Variants in RASGEF1C observed in about 807,000 individuals in gnomAD.
RASGEF1C encodes the protein RasGEF domain family member 1C, also known as ras-GEF domain-containing family member 1C.
A neutral mutation model predicts 58.1 loss-of-function variants in RASGEF1C; 27 were observed. The ratio of observed to expected loss-of-function variants is 0.46; its 90% CI spans 0.34 to 0.64. RASGEF1C has a LOEUF of 0.64. RASGEF1C is among the 30% of genes least tolerant of loss of function. RASGEF1C has a pLI of 0.01. For synonymous variants in RASGEF1C, 243 were observed against 246.3 expected (o/e 0.99, Z 0.13); for missense variants, 502 against 605.1 (o/e 0.83, Z 1.79).
intron 1 of RASGEF1C, among the ~76,000 whole-genome samples, chr5:180,152,911 C>CAA (rs755521241): frequency 0.02 from 1,434 of 71,196 alleles, 40 homozygotes; most frequent in African/African-American, 0.068. Context: ...AACCCCATCT[C>CAA]AAAAAAAAAA....
chr5:180,181,629 G>A (rs957505944), intron 1 of RASGEF1C, among the ~76,000 whole-genome samples: 5 of 152,204 alleles, frequency 3.3e-5, no homozygotes, highest in Admixed American at 6.5e-5. Context: ...CTAACAAGCC[G>A]CCAGAAGCTG....
intron 6 of RASGEF1C, 63 bp downstream of exon 6, chr5:180,127,546 C>T (rs1183159455): frequency 1.3e-6 from 2 of 1,495,260 alleles, no homozygotes. Flanking sequence ...TCGCGGGCTC[C>T]CCGGAGAGCG....
intron 1 of RASGEF1C, among the ~76,000 whole-genome samples, chr5:180,182,065 C>T (rs1218651175): frequency 6.6e-6 from 1 of 151,740 alleles, no homozygotes; most frequent in Non-Finnish European, 1.5e-5. Flanking sequence ...ATTAGCCGGG[C>T]ATGGTGGCGG....
At chr5:180,111,601 C>A (rs750001219) in intron 11 of RASGEF1C, 21 bp from the exon 12 acceptor site, 21 of 1,613,906 alleles carry the variant, frequency 1.3e-5, no homozygotes, top group Admixed American at 5.0e-5. Flanking sequence ...CACAGAGACA[C>A]AGAATGGAGG....
At chr5:180,202,977 C>A (rs914605696) in intron 1 of RASGEF1C, among the ~76,000 whole-genome samples, 2 of 152,126 alleles carry the variant, frequency 1.3e-5, no homozygotes, top group Non-Finnish European at 2.9e-5. Context: ...GCTGGGATGA[C>A]AGGTGTGAGC....
At chr5:180,103,403 G>A (rs780470024) in intron 12 of RASGEF1C, among the ~76,000 whole-genome samples, 3 of 152,176 alleles carry the variant, frequency 2.0e-5, no homozygotes, top group South Asian at 4.1e-4. Flanking sequence ...TAGCGTACAC[G>A]TCCTGTGCGT....
intron 1 of RASGEF1C, among the ~76,000 whole-genome samples, chr5:180,173,708 T>A (rs1242550290): frequency 1.8e-4 from 27 of 151,108 alleles, no homozygotes; most frequent in South Asian, 1.3e-3. Flanking sequence ...AGGTCAGGAG[T>A]TTGAGACCAG....
chr5:180,152,581 G>T (rs1421841964), intron 1 of RASGEF1C, among the ~76,000 whole-genome samples: 1 of 100,612 alleles, frequency 9.9e-6, no homozygotes, highest in Admixed American at 1.3e-4. Context: ...GGGGAGGGGG[G>T]AGGGATAGCA....
chr5:180,168,500 A>T lies in RASGEF1C; in HGVS notation c.-6-30442T>A, dbSNP rs1010801825. On this transcript the variant is annotated intron_variant, in intron 1 of 13. Coordinates refer to ENST00000361132, the MANE Select transcript of RASGEF1C (RefSeq NM_175062.4). The surrounding 1 kb of genome is among the most constrained non-coding windows in gnomAD (Gnocchi z 6.0). ...GGGATTGCTTTCCTGAGCAATCTTT[A>T]TGGTATCTTCCAGTTTCCTGGGGCT... 5.9e-5 allele frequency among the ~76,000 whole-genome samples: 9 copies of T among 152,206 alleles called. No homozygotes were observed. The highest frequency in any genetic ancestry group is 2.2e-4 in the African/African-American group (9 of 41,460).
At chr5:180,195,604 C>CAAAAAAAA (rs1188831579) in intron 1 of RASGEF1C, among the ~76,000 whole-genome samples, 1 of 150,986 alleles carries the variant, frequency 6.6e-6, no homozygotes, top group Admixed American at 6.6e-5. Context: ...ACTAAAAATA[C>CAAAAAAAA]AAAAAAAATT....
chr5:180,190,900 G>A (rs1191652859), intron 1 of RASGEF1C, among the ~76,000 whole-genome samples: 1 of 152,170 alleles, frequency 6.6e-6, no homozygotes, highest in Non-Finnish European at 1.5e-5. Context: ...CAGGTATTGG[G>A]TGGAAAATTT....
At chr5:180,116,481 T>C (rs11249668) in intron 10 of RASGEF1C, among the ~76,000 whole-genome samples, 53,690 of 151,870 alleles carry the variant, frequency 0.35, 10,085 homozygotes, top group East Asian at 0.48. Flanking sequence ...CCCCTCTCCA[T>C]CCATAAAGCA....
At chr5:180,121,209 A>G in intron 6 of RASGEF1C, 60 bp from the exon 7 acceptor site, 2 of 1,176,618 alleles carry the variant, frequency 1.7e-6, no homozygotes, top group Non-Finnish European at 1.3e-6. Flanking sequence ...CATCTTTTAG[A>G]GCATGAAGTC....
At chr5:180,161,576 T>C (rs1363821255) in intron 1 of RASGEF1C, among the ~76,000 whole-genome samples, 2 of 152,188 alleles carry the variant, frequency 1.3e-5, no homozygotes, top group African/African-American at 4.8e-5. Flanking sequence ...GGCAGATGTC[T>C]GCACTGACTG....
chr5:180,127,662 G>C lies in RASGEF1C; in HGVS notation c.661C>G (p.Pro221Ala). The change falls in exon 6 of 14, where the codon CCT becomes GCT. Residue 221 changes from proline to alanine, a missense_variant. Pro to Ala is a conservative substitution (Grantham distance 27). Coordinates refer to ENST00000361132, the MANE Select transcript of RASGEF1C (RefSeq NM_175062.4). ...VELERLRHIG[P>A]EEFVQAFVNK... ...ACAAAGGCCTGGACAAACTCCTCAGGCCCGATGTGCCGCAGCCGCTCCTGC... is the reference window on the plus strand; with the variant it reads ...ACAAAGGCCTGGACAAACTCCTCAGCCCCGATGTGCCGCAGCCGCTCCTGC... 3 of 1,613,134 alleles carry C rather than the reference G, an allele frequency of 1.9e-6. No individual in the cohort carries two copies. The highest frequency in any genetic ancestry group is 2.5e-6 in the Non-Finnish European group (3 of 1,179,712).
intron 1 of RASGEF1C, among the ~76,000 whole-genome samples, chr5:180,190,289 C>T (rs1472618292): frequency 2.0e-5 from 3 of 151,814 alleles, no homozygotes; most frequent in African/African-American, 4.8e-5. Flanking sequence ...AGATCGAGAC[C>T]ATCCTGGCTA....
At chr5:180,150,094 T>C (rs985770945) in intron 1 of RASGEF1C, among the ~76,000 whole-genome samples, 4 of 152,360 alleles carry the variant, frequency 2.6e-5, no homozygotes, top group East Asian at 1.9e-4. Context: ...TTCCTCAGAC[T>C]CAATAATTTC....
rs562432306 is a variant in RASGEF1C at position 180,167,025 on chromosome 5, G to A, written c.-6-28967C>T. On this transcript the variant is annotated intron_variant, in intron 1 of 13. Coordinates refer to ENST00000361132, the MANE Select transcript of RASGEF1C (RefSeq NM_175062.4). The stretch of plus-strand genomic sequence containing the variant: ...TAATTTTCAGTAGTTTGATTATGTT[G>A]TATCTGGGCATGGAGTGTCTTTGTG... Among the ~76,000 whole-genome samples the A allele has an allele frequency of 4.3e-4, 66 of 152,200 alleles. 1 individual carries two copies. The highest frequency in any genetic ancestry group is 1.5e-3 in the African/African-American group (64 of 41,510).
chr5:180,203,312 T>A (rs1320775032), intron 1 of RASGEF1C, among the ~76,000 whole-genome samples: 1 of 152,200 alleles, frequency 6.6e-6, no homozygotes, highest in Non-Finnish European at 1.5e-5. Context: ...ATGTTATGAC[T>A]CTCTAGGGAC....
Sources: allele counts gnomAD v4.1 joint callset (sites outside exome capture counted in the v4.1 genomes callset), GRCh38; gene constraint gnomAD v4.1.1; non-coding constraint Gnocchi (gnomAD v3.1); transcripts MANE v1.5; gene names NCBI Gene and HGNC (gene_info 2026-07-23, HGNC 2026-07-21).